KCNIP4: variants seen among roughly 807,000 people sequenced by gnomAD.
KCNIP4 encodes the protein potassium voltage-gated channel interacting protein 4, also known as Kv channel-interacting protein 4.
KCNIP4 carries 12 observed loss-of-function variants against 34.0 expected under a neutral mutation model. The observed-to-expected ratio is 0.35, with a 90% confidence interval of 0.23 to 0.57. The LOEUF is 0.57. KCNIP4 is among the 20% of genes least tolerant of loss of function. The pLI is 0.83. For missense variants in KCNIP4, 238 were observed against 311.7 expected (o/e 0.76, Z 1.78); for synonymous variants, 124 against 102.2 (o/e 1.21, Z -1.29).
chr4:21,794,921 C>T (rs542812323), intron 1 of KCNIP4, among the ~76,000 whole-genome samples: 12 of 152,086 alleles, frequency 7.9e-5, no homozygotes, highest in South Asian at 6.2e-4. Context: ...AATAAACAAA[C>T]GAACAAAAAC....
At chr4:20,919,965 A>C (rs961542635) in intron 1 of KCNIP4, among the ~76,000 whole-genome samples, 2 of 152,152 alleles carry the variant, frequency 1.3e-5, no homozygotes, top group African/African-American at 4.8e-5. Context: ...AAGTCTGAAG[A>C]GGACCTGCTC....
At position 21,086,051 on chromosome 4, in the gene KCNIP4, G is replaced by T. The variant is rs577305347; in HGVS notation, c.62-203342C>A. On this transcript the variant is annotated intron_variant, in intron 1 of 8. Transcript: ENST00000382152. Reference sequence around the variant, plus strand: ...TGTGGACTGGAACGTGGATATGGTGGTGGGGAGCCAGGTTCCGTCATGTAG... The same window carrying T: ...TGTGGACTGGAACGTGGATATGGTGTTGGGGAGCCAGGTTCCGTCATGTAG... 3.7e-4 allele frequency among the ~76,000 whole-genome samples: 57 copies of T among 152,248 alleles called. No individual in the cohort carries two copies. In the South Asian group the frequency reaches 0.011, roughly 30 times the overall value.
chr4:21,874,506 G>C (rs956926984), intron 1 of KCNIP4, among the ~76,000 whole-genome samples: 1 of 152,154 alleles, frequency 6.6e-6, no homozygotes, highest in African/African-American at 2.4e-5. Context: ...GAGAATGGCT[G>C]TGCTCCTTTA....
intron 1 of KCNIP4, among the ~76,000 whole-genome samples, chr4:20,897,439 T>A (rs1486318884): frequency 6.6e-6 from 1 of 152,160 alleles, no homozygotes; most frequent in Non-Finnish European, 1.5e-5. Flanking sequence ...CTCACGAAAC[T>A]ACTTCCTATT....
intron 1 of KCNIP4, among the ~76,000 whole-genome samples, chr4:21,308,992 C>T (rs1363848358): frequency 1.3e-5 from 2 of 152,028 alleles, no homozygotes; most frequent in African/African-American, 4.8e-5. Context: ...CTTACTTTTG[C>T]ACTTCAGAGC....
intron 1 of KCNIP4, among the ~76,000 whole-genome samples, chr4:21,092,382 C>T (rs1318617567): frequency 6.6e-6 from 1 of 152,026 alleles, no homozygotes; most frequent in Non-Finnish European, 1.5e-5. Context: ...AATAATCCAC[C>T]AGCCAGAGTA....
intron 4 of KCNIP4, among the ~76,000 whole-genome samples, chr4:20,749,960 T>A (rs1276819992): frequency 6.6e-6 from 1 of 152,206 alleles, no homozygotes. Flanking sequence ...TCTATGAGTT[T>A]CTGGCTGGCA....
intron 2 of KCNIP4, among the ~76,000 whole-genome samples, chr4:20,871,392 T>A (rs540335228): frequency 1.3e-5 from 2 of 152,070 alleles, no homozygotes; most frequent in South Asian, 4.1e-4. Flanking sequence ...CTCAATGTGA[T>A]CACTAAGGCG....
At chr4:21,277,295 T>C (rs1321356081) in intron 1 of KCNIP4, among the ~76,000 whole-genome samples, 1 of 150,966 alleles carries the variant, frequency 6.6e-6, no homozygotes, top group East Asian at 1.9e-4. Flanking sequence ...AGCATATTAT[T>C]ATCTCACTCT....
intron 1 of KCNIP4, among the ~76,000 whole-genome samples, chr4:21,301,777 T>C (rs1165099917): frequency 6.6e-6 from 1 of 152,206 alleles, no homozygotes; most frequent in African/African-American, 2.4e-5. Context: ...CAATCAGCTA[T>C]ATCAATCTAT....
chr4:20,944,466 C>T (rs1476805735), intron 1 of KCNIP4, among the ~76,000 whole-genome samples: 1 of 152,202 alleles, frequency 6.6e-6, no homozygotes, highest in Non-Finnish European at 1.5e-5. Flanking sequence ...CCTAACAAGG[C>T]ATAATGGAAA....
At chr4:21,579,616 G>C (rs1343602638) in intron 1 of KCNIP4, among the ~76,000 whole-genome samples, 1 of 151,836 alleles carries the variant, frequency 6.6e-6, no homozygotes, top group Non-Finnish European at 1.5e-5. Context: ...TTACCCACTG[G>C]GAGCAACTAC....
intron 1 of KCNIP4, among the ~76,000 whole-genome samples, chr4:21,695,430 C>CTT (rs5856656): frequency 1.8e-4 from 26 of 147,782 alleles, no homozygotes; most frequent in Non-Finnish European, 2.5e-4. Flanking sequence ...TGTGCTTCTT[C>CTT]TTTTTTTTTT....
intron 1 of KCNIP4, among the ~76,000 whole-genome samples, chr4:20,985,151 T>G (rs1467492853): frequency 6.6e-6 from 1 of 152,158 alleles, no homozygotes; most frequent in East Asian, 1.9e-4. Flanking sequence ...GTGAGTAATA[T>G]CTCAGACCTC....
At chr4:20,794,180 G>T (rs1289676170) in intron 3 of KCNIP4, among the ~76,000 whole-genome samples, 1 of 152,114 alleles carries the variant, frequency 6.6e-6, no homozygotes, top group Non-Finnish European at 1.5e-5. Context: ...CCAGTCTCGG[G>T]TATATCTTTA....
intron 1 of KCNIP4, among the ~76,000 whole-genome samples, chr4:21,374,268 C>G (rs1720761760): frequency 6.8e-6 from 1 of 147,178 alleles, no homozygotes; most frequent in Non-Finnish European, 1.5e-5. Flanking sequence ...AAAGGACTCA[C>G]AGTTCCATGT....
chr4:21,215,673 T>C (rs971089980), intron 1 of KCNIP4, among the ~76,000 whole-genome samples: 4 of 152,146 alleles, frequency 2.6e-5, no homozygotes, highest in Admixed American at 2.6e-4. Flanking sequence ...AGGTACTAGG[T>C]CAGGGAAAAG....
At position 21,016,082 on chromosome 4, in the gene KCNIP4, C is replaced by T. The variant is rs150889464; in HGVS notation, c.62-133373G>A. Among the ~76,000 whole-genome samples, 75 of 149,884 alleles carry T rather than the reference C, an allele frequency of 5.0e-4. 1 individual carries two copies. Among genetic ancestry groups the T allele is most frequent in the East Asian group, 1.6e-3 (8 of 5,116 alleles). On this transcript the variant is annotated intron_variant, in intron 1 of 8. Transcript: ENST00000382152. ...ACATGCCATCTCCTACTTCACACCT[C>T]GGGCTCCAGCAGCTCTATCGTCACC...
intron 1 of KCNIP4, among the ~76,000 whole-genome samples, chr4:20,917,255 C>T (rs192138230): frequency 6.6e-6 from 1 of 151,704 alleles, no homozygotes; most frequent in African/African-American, 2.4e-5. Context: ...TCAGGATAGT[C>T]CTGAACTTGT....
Sources: allele counts gnomAD v4.1 joint callset (sites outside exome capture counted in the v4.1 genomes callset), GRCh38; gene constraint gnomAD v4.1.1; transcripts MANE v1.5; gene names NCBI Gene and HGNC (gene_info 2026-07-23, HGNC 2026-07-21).